VPS37B: variants seen among roughly 807,000 people sequenced by gnomAD.
VPS37B encodes the protein VPS37B subunit of ESCRT-I.
A neutral mutation model predicts 21.2 loss-of-function variants in VPS37B; 11 were observed. The observed-to-expected ratio is 0.52, with a 90% CI of 0.33 to 0.86. The LOEUF is 0.86. Ranked by LOEUF, VPS37B falls within the 40% of genes least tolerant of loss-of-function variation. VPS37B has a pLI of 0.03. For synonymous variants in VPS37B, 175 were observed against 159.6 expected (o/e 1.10, Z -0.73); for missense variants, 389 against 374.8 (o/e 1.04, Z -0.31).
At chr12:122,890,825 G>A (rs984348603) in intron 1 of VPS37B, among the ~76,000 whole-genome samples, 1 of 152,024 alleles carries the variant, frequency 6.6e-6, no homozygotes, top group Non-Finnish European at 1.5e-5. Flanking sequence ...TTGTATTGTA[G>A]ACATTTCTGT....
chr12:122,870,844 C>A, intron 2 of VPS37B, 46 bp downstream of exon 2: 1 of 1,561,946 alleles, frequency 6.4e-7, no homozygotes, highest in South Asian at 1.2e-5. Flanking sequence ...AAAATGTGTC[C>A]TTCTCTCAAC....
intron 1 of VPS37B, chr12:122,871,975 C>T (rs79799335): frequency 3.0e-6 from 3 of 985,416 alleles, no homozygotes; most frequent in South Asian, 4.7e-5. Context: ...CAACAGCATG[C>T]GATTCCTTAC....
At chr12:122,882,572 G>C (rs1274455520) in intron 1 of VPS37B, 1 of 152,176 alleles carries the variant, frequency 6.6e-6, no homozygotes, top group African/African-American at 2.4e-5. Flanking sequence ...ATTGCATTAA[G>C]ACCTTAAATG....
chr12:122,874,912 A>C (rs1398093967), intron 1 of VPS37B: 10 of 137,382 alleles, frequency 7.3e-5, no homozygotes, highest in African/African-American at 2.2e-4. Context: ...GCGCCACTGC[A>C]CTCCAGCCTG....
At position 122,868,394 on chromosome 12, in the gene VPS37B, G is replaced by A. The variant is rs1405381994; in HGVS notation, c.366+86C>T. ...GGAGGCACCACTCCTGGCCGTGGCG[G>A]TGTGGCACTCACGGTCCCTGGAGGC... On this transcript the variant is annotated intron_variant, in intron 3 of 3. Transcript: ENST00000267202. This position sits in a 1 kb window ranked among gnomAD's most constrained non-coding sequence, Gnocchi z 5.5. 2.4e-6 allele frequency: 3 copies of A among 1,264,214 alleles called. No homozygotes were observed. Among genetic ancestry groups the A allele is most frequent in the Non-Finnish European group, 3.4e-6 (3 of 883,870 alleles). 78.3% of individuals were successfully genotyped at this position (1,264,214 alleles called of 1,614,324 possible).
chr12:122,880,380 G>A (rs2034228544), intron 1 of VPS37B: 1 of 152,184 alleles, frequency 6.6e-6, no homozygotes, highest in Admixed American at 6.5e-5. Flanking sequence ...TAACTGTGGT[G>A]AAACATGAGA....
At chr12:122,887,774 T>C (rs1162152091) in intron 1 of VPS37B, 3 of 152,314 alleles carry the variant, frequency 2.0e-5, no homozygotes, top group African/African-American at 4.8e-5. Context: ...ACACCACAGA[T>C]GCTCCGCAAA....
At chr12:122,886,673 TCCACAAAATTAGAGATCTAAGGAAAACA>T (rs1226578387) in intron 1 of VPS37B, 1 of 152,172 alleles carries the variant, frequency 6.6e-6, no homozygotes. Context: ...ACAATTAACA[TCCACAAAATTAGAGATCTAAGGAAAACA>T]CTACCCTAAT....
At position 122,870,778 on chromosome 12, in the gene VPS37B, C is replaced by CTA. The variant is rs1282697961; in HGVS notation, c.283+110_283+111dup. 7.9e-6 allele frequency: 9 copies of CTA among 1,138,370 alleles called. No individual in the cohort carries two copies. In the African/African-American group the frequency reaches 1.4e-4, roughly 18 times the overall value. The allele number at this position is 1,138,370 out of a possible 1,614,324, so 70.5% of individuals were successfully genotyped here. A position where few individuals can be genotyped will look rare whatever the true frequency, so the allele number is the denominator to read the frequency against. ...CTATTTGTTCATTGCAGTAGAGTCG[C>CTA]TATCTTAACCTGAAATTTTTCCGTA... On this transcript the variant is annotated intron_variant, in intron 2 of 3. Transcript: ENST00000267202.
intron 2 of VPS37B, among the ~76,000 whole-genome samples, chr12:122,869,365 C>T (rs1337385023): frequency 6.6e-6 from 1 of 152,228 alleles, no homozygotes; most frequent in Non-Finnish European, 1.5e-5. Context: ...CAACAGCCTT[C>T]CCCAGGTGAA....
At chr12:122,884,761 G>A (rs1333014535) in intron 1 of VPS37B, 1 of 151,956 alleles carries the variant, frequency 6.6e-6, no homozygotes, top group Non-Finnish European at 1.5e-5. Context: ...GCATTCATTT[G>A]TTTAGGAAGA....
At position 122,867,748 on chromosome 12, in the gene VPS37B, G is replaced by T; in HGVS notation, c.367-141C>A. The T allele has an allele frequency of 1.8e-6, 2 of 1,121,616 alleles. No individual in the cohort carries two copies. Among genetic ancestry groups the T allele is most frequent in the Non-Finnish European group, 2.6e-6 (2 of 782,596 alleles). 69.5% of individuals were successfully genotyped at this position (1,121,616 alleles called of 1,614,324 possible). ...TAACCACCCAGAGGGCCTCGCTCCT[G>T]CTCCAGATCCCAGAGGTCATGGGCT... On this transcript the variant is annotated intron_variant, in intron 3 of 3. Coordinates refer to ENST00000267202, the MANE Select transcript of VPS37B (RefSeq NM_024667.3). This position sits in a 1 kb window ranked among gnomAD's most constrained non-coding sequence, Gnocchi z 5.5.
intron 1 of VPS37B, chr12:122,888,515 C>T (rs1451545142): frequency 6.6e-6 from 3 of 455,868 alleles, no homozygotes; most frequent in Non-Finnish European, 1.3e-5. Context: ...CCTCCCACTG[C>T]GTACCTGGCA....
Position 122,867,238 on chromosome 12 carries a change from G to A in VPS37B, c.736C>T (p.Arg246Cys), listed in dbSNP as rs570240714. Residue 246 changes from arginine to cysteine, a missense_variant, in exon 4 of 4, where the codon CGC (arginine) becomes TGC (cysteine). By Grantham distance (180) the Arg-to-Cys change is radical. Coordinates refer to ENST00000267202, the MANE Select transcript of VPS37B (RefSeq NM_024667.3). This position sits in a 1 kb window ranked among gnomAD's most constrained non-coding sequence, Gnocchi z 5.5. ...CCTTGCTGAGTGGGGAGGCCCACGC[G>A]GGGGGGCAGGGGCGGGCACTGTAAT... is the stretch of plus-strand genomic sequence containing the variant. ...PGLQCPPLPPRVGLPTQQGFS... is the reference protein window; with the variant it reads ...PGLQCPPLPPCVGLPTQQGFS... The A allele has an allele frequency of 2.0e-5, 31 of 1,567,528 alleles. No individual in the cohort carries two copies. The highest frequency in any genetic ancestry group is 6.8e-5 in the African/African-American group (5 of 73,276).
At chr12:122,870,470 C>T (rs943974039) in intron 2 of VPS37B, 1 of 162,688 alleles carries the variant, frequency 6.1e-6, no homozygotes. Flanking sequence ...TAGTCCAATA[C>T]AGTGGCTCAT....
chr12:122,874,041 C>T (rs1047410961), intron 1 of VPS37B: 1 of 152,182 alleles, frequency 6.6e-6, no homozygotes, highest in Non-Finnish European at 1.5e-5. Flanking sequence ...AGAGGCGCTC[C>T]CATCAGAAAG....
intron 1 of VPS37B, chr12:122,881,279 G>C (rs1047959601): frequency 2.6e-5 from 4 of 152,234 alleles, no homozygotes; most frequent in Non-Finnish European, 5.9e-5. Flanking sequence ...GGTTAAACGA[G>C]CTGTCAAAGT....
chr12:122,893,833 A>G (rs2034451368), intron 1 of VPS37B, among the ~76,000 whole-genome samples: 1 of 151,860 alleles, frequency 6.6e-6, no homozygotes, highest in African/African-American at 2.4e-5. Context: ...CAAAAAAAAA[A>G]AAAAAAAAAA....
rs1232090309 is a variant in VPS37B, at chr12:122,870,924, G to A, written c.249C>T (p.Leu83=). ...TCTTCTTTATCTGATAGGCTTCAAA[G>A]AGAACCTGGAGTTCCTGGTATTTCT... ...LTQKYQELQV[L]FEAYQIKKTK... The change falls in exon 2 of 4, where the codon CTC becomes CTT. Residue 83 remains leucine (L), a synonymous_variant. Transcript: ENST00000267202. 6.2e-7 allele frequency: 1 copy of A among 1,614,100 alleles called. No homozygotes were observed.
Sources: gnomAD v4.1 joint callset for allele counts (sites outside exome capture counted in the v4.1 genomes callset) on GRCh38, gnomAD v4.1.1 for gene constraint, Gnocchi (gnomAD v3.1) non-coding constraint, MANE v1.5 for transcripts, NCBI Gene and HGNC (gene_info 2026-07-23, HGNC 2026-07-21) for gene names.